AGBL4: variants seen among roughly 807,000 people sequenced by gnomAD.
AGBL4 encodes the protein cytosolic carboxypeptidase 6.
A neutral mutation model predicts 66.4 loss-of-function variants in AGBL4; 58 were observed. The ratio of observed to expected loss-of-function variants is 0.87; its 90% CI spans 0.71 to 1.09. AGBL4 has a LOEUF of 1.09. Ranked by LOEUF, AGBL4 falls within the 50% of genes least tolerant of loss-of-function variation. AGBL4 has a pLI of 0.00. For missense variants in AGBL4, 579 were observed against 631.0 expected (o/e 0.92, Z 0.88); for synonymous variants, 234 against 222.9 (o/e 1.05, Z -0.44).
At chr1:49,700,322 GATA>G (rs1437524291) in intron 2 of AGBL4, among the ~76,000 whole-genome samples, 1 of 150,990 alleles carries the variant, frequency 6.6e-6, no homozygotes, top group East Asian at 1.9e-4. Flanking sequence ...TAGATAGATA[GATA>G]GATAGATAGA....
chr1:48,962,335 G>A (rs949820881), intron 5 of AGBL4, among the ~76,000 whole-genome samples: 2 of 152,132 alleles, frequency 1.3e-5, no homozygotes, highest in Non-Finnish European at 2.9e-5. Flanking sequence ...TGCTAGAAAT[G>A]CTTTCTAGTA....
intron 4 of AGBL4, among the ~76,000 whole-genome samples, chr1:49,107,692 T>TGAGA (rs1479107593): frequency 6.5e-4 from 77 of 117,814 alleles, no homozygotes; most frequent in East Asian, 1.9e-3. Context: ...TGTGTGTGTG[T>TGAGA]GTGAGAGAGA....
intron 3 of AGBL4, among the ~76,000 whole-genome samples, chr1:49,570,727 T>G (rs796667275): frequency 6.6e-6 from 1 of 152,250 alleles, no homozygotes; most frequent in African/African-American, 2.4e-5. Context: ...ATGTCTTACA[T>G]TTAAGCATTT....
chr1:49,814,956 T>C (rs1645196388), intron 2 of AGBL4, among the ~76,000 whole-genome samples: 1 of 152,174 alleles, frequency 6.6e-6, no homozygotes, highest in South Asian at 2.1e-4. Context: ...CAATGCAATG[T>C]GTAAAAATCA....
At position 49,551,787 on chromosome 1, in the gene AGBL4, A is replaced by G. The variant is rs1434048198; in HGVS notation, c.282+145526T>C. Among the ~76,000 whole-genome samples, 4 of 152,194 alleles carry G rather than the reference A, an allele frequency of 2.6e-5. No individual in the cohort carries two copies. The East Asian group carries it at 7.7e-4, about 29-fold the overall frequency. On this transcript the variant is annotated intron_variant, in intron 3 of 13. Coordinates refer to ENST00000371839, the MANE Select transcript of AGBL4 (RefSeq NM_032785.4). ...GCTGGTTGGCCTCCTGCCGGTAGGT[A>G]GTGCTGTCCAGAGAGCATCAGCTGT...
At chr1:48,949,439 T>C (rs775851529) in intron 5 of AGBL4, among the ~76,000 whole-genome samples, 12 of 152,200 alleles carry the variant, frequency 7.9e-5, no homozygotes, top group Non-Finnish European at 1.6e-4. Flanking sequence ...ACAGAGTCTA[T>C]ATACAGTGGA....
chr1:48,700,881 CT>C (rs1342498146), intron 6 of AGBL4, among the ~76,000 whole-genome samples: 5 of 152,324 alleles, frequency 3.3e-5, no homozygotes, highest in Admixed American at 3.3e-4. Context: ...AGGAGTCAGG[CT>C]TCAAAGCCAG....
chr1:49,614,217 C>A lies in AGBL4; in HGVS notation c.282+83096G>T, dbSNP rs1280858412. On this transcript the variant is annotated intron_variant, in intron 3 of 13. Coordinates refer to ENST00000371839, the MANE Select transcript of AGBL4 (RefSeq NM_032785.4). ...TGCAGAGGCCTCTTTTTGGGCACTA[C>A]CTTCCTGCCAAGGATAACCACTATC... Among the ~76,000 whole-genome samples, 3 of 152,262 alleles carry A rather than the reference C, an allele frequency of 2.0e-5. No homozygotes were observed. The East Asian group carries it at 5.8e-4, about 29-fold the overall frequency.
intron 1 of AGBL4, among the ~76,000 whole-genome samples, chr1:49,906,640 TAACA>T (rs149720704): frequency 0.02 from 3,046 of 152,182 alleles, 111 homozygotes; most frequent in African/African-American, 0.07. Flanking sequence ...CAAGATATAC[TAACA>T]ATTAACTGAA....
At chr1:48,801,158 T>A (rs1472078280) in intron 6 of AGBL4, among the ~76,000 whole-genome samples, 1 of 152,108 alleles carries the variant, frequency 6.6e-6, no homozygotes, top group African/African-American at 2.4e-5. Flanking sequence ...CCAATCTGAC[T>A]CCACTGTGCC....
chr1:49,102,021 G>T (rs1417033212), intron 4 of AGBL4, among the ~76,000 whole-genome samples: 1 of 151,354 alleles, frequency 6.6e-6, no homozygotes. Context: ...AACTGAGAGA[G>T]GGAGAGAGAT....
intron 1 of AGBL4, among the ~76,000 whole-genome samples, chr1:49,948,297 AAT>A (rs1390638364): frequency 1.8e-5 from 2 of 109,988 alleles, no homozygotes; most frequent in Admixed American, 1.2e-4. Flanking sequence ...AATATATAAA[AAT>A]ATATATAAAT....
chr1:49,972,337 C>A (rs971272585), intron 1 of AGBL4, among the ~76,000 whole-genome samples: 1 of 152,068 alleles, frequency 6.6e-6, no homozygotes, highest in African/African-American at 2.4e-5. Flanking sequence ...TTCCACTTTT[C>A]ATAGTCTCCA....
chr1:48,901,352 A>C lies in AGBL4; in HGVS notation c.595-34122T>G, dbSNP rs537340183. 3.9e-5 allele frequency among the ~76,000 whole-genome samples: 6 copies of C among 152,342 alleles called. No individual in the cohort carries two copies. In the South Asian group the frequency reaches 6.2e-4, roughly 16 times the overall value. ...ATGTAAACTATCATATGATCCAGAC[A>C]TTCCACTCCTGGGTATTTTTCCAAG... On this transcript the variant is annotated intron_variant, in intron 5 of 13. Coordinates refer to ENST00000371839, the MANE Select transcript of AGBL4 (RefSeq NM_032785.4).
intron 3 of AGBL4, among the ~76,000 whole-genome samples, chr1:49,563,352 A>G (rs935996052): frequency 6.6e-6 from 1 of 152,066 alleles, no homozygotes; most frequent in African/African-American, 2.4e-5. Context: ...TATGTTGAAT[A>G]GGAGTGGTGA....
At chr1:48,561,765 G>A (rs1308640956) in intron 11 of AGBL4, among the ~76,000 whole-genome samples, 1 of 152,064 alleles carries the variant, frequency 6.6e-6, no homozygotes, top group Non-Finnish European at 1.5e-5. Flanking sequence ...GTTCTTCTTG[G>A]GTCTCAAGTC....
chr1:48,988,366 C>A (rs963119313), intron 5 of AGBL4, among the ~76,000 whole-genome samples: 1 of 152,132 alleles, frequency 6.6e-6, no homozygotes, highest in African/African-American at 2.4e-5. Context: ...CTATTTTATG[C>A]TCATTATCTA....
intron 6 of AGBL4, among the ~76,000 whole-genome samples, chr1:48,667,849 C>A (rs1267753848): frequency 6.6e-6 from 1 of 152,104 alleles, no homozygotes; most frequent in Non-Finnish European, 1.5e-5. Context: ...CTAGGTGGGT[C>A]TCTGAGGACA....
At position 48,887,491 on chromosome 1, in the gene AGBL4, C is replaced by A. The variant is rs917416502; in HGVS notation, c.595-20261G>T. Among the ~76,000 whole-genome samples the A allele has an allele frequency of 6.6e-5, 10 of 152,134 alleles. No homozygotes were observed. In the South Asian group the frequency reaches 8.3e-4, roughly 13 times the overall value. On this transcript the variant is annotated intron_variant, in intron 5 of 13. Transcript: ENST00000371839. ...GGAGGCAGTCTACCATGGCCCAGGG[C>A]TGTGTGAGGTATTTTTGTTCCTAGC...
Sources: gnomAD v4.1 joint callset for allele counts (sites outside exome capture counted in the v4.1 genomes callset) on GRCh38, gnomAD v4.1.1 for gene constraint, MANE v1.5 for transcripts, NCBI Gene and HGNC (gene_info 2026-07-23, HGNC 2026-07-21) for gene names.